The following DGKK variants were observed in gnomAD, a reference collection of about 807,000 sequenced individuals.
The protein encoded by DGKK is diacylglycerol kinase kappa.
DGKK carries 35 observed loss-of-function variants against 92.2 expected under a neutral mutation model. The observed-to-expected ratio is 0.38, with a 90% CI of 0.29 to 0.50. The LOEUF (loss-of-function observed/expected upper bound fraction) is 0.50. Among genes scored for constraint, DGKK ranks in the 20% least tolerant of loss-of-function variants. DGKK has a pLI of 0.92. For synonymous variants in DGKK, 368 were observed against 360.6 expected (o/e 1.02, Z -0.23); for missense variants, 910 against 992.2 (o/e 0.92, Z 1.11).
chrX:50,413,725 T>C (rs1307988694), intron 4 of DGKK, among the ~76,000 whole-genome samples: 1 of 112,064 alleles, frequency 8.9e-6, no homozygotes, highest in African/African-American at 3.2e-5. Context: ...GGAGAGGATG[T>C]GGAGAATAGG....
rs367857059 is a variant in DGKK at position 50,384,188 on chromosome X, T to C, written c.2529A>G (p.Leu843=). The part of the protein sequence containing the change: ...EDLDNLNLDH[L]HFTPESIRFK... ...CTTACATAGATTCAGGTGTAAAATGTAAGTGATCCAAGTTAAGGTTGTCCA... is the reference window on the plus strand; with the variant it reads ...CTTACATAGATTCAGGTGTAAAATGCAAGTGATCCAAGTTAAGGTTGTCCA... The change falls in exon 17 of 28, where the codon TTA becomes TTG. Residue 843 remains leucine (L), a synonymous_variant. Transcript: ENST00000611977. 20 of 1,173,280 alleles carry C rather than the reference T, an allele frequency of 1.7e-5. No individual in the cohort carries two copies. Among genetic ancestry groups the C allele is most frequent in the Middle Eastern group, 2.3e-4 (1 of 4,288 alleles).
intron 12 of DGKK, 79 bp from the exon 13 acceptor site, chrX:50,388,697 C>A: frequency 1.5e-6 from 1 of 671,318 alleles, no homozygotes; most frequent in Admixed American, 3.2e-5. Flanking sequence ...CCCCTGCAGC[C>A]TCATTGTTTC....
intron 8 of DGKK, 104 bp from the exon 9 acceptor site, chrX:50,393,439 G>A: frequency 1.6e-6 from 1 of 637,534 alleles, no homozygotes; most frequent in South Asian, 3.2e-5. Context: ...TTGAGTATGA[G>A]TCTCAGTCTT....
At chrX:50,431,906 T>A (rs1330599528) in intron 1 of DGKK, among the ~76,000 whole-genome samples, 1 of 111,292 alleles carries the variant, frequency 9.0e-6, no homozygotes, top group Admixed American at 9.5e-5. Context: ...AGCCTCAATT[T>A]CCTTGTCTGT....
chrX:50,390,188 A>G, intron 12 of DGKK, 140 bp downstream of exon 12: 1 of 504,294 alleles, frequency 2.0e-6, no homozygotes, highest in East Asian at 3.5e-5. Context: ...CTTGGTAAAT[A>G]GCTGCTGACT....
intron 4 of DGKK, among the ~76,000 whole-genome samples, chrX:50,408,465 G>A (rs1005568024): frequency 1.5e-4 from 17 of 111,509 alleles, no homozygotes; most frequent in Non-Finnish European, 2.8e-4. Context: ...TGCAAGCTCC[G>A]CCTCCCGGGT....
At chrX:50,431,693 C>G (rs929258017) in intron 1 of DGKK, among the ~76,000 whole-genome samples, 2 of 111,275 alleles carry the variant, frequency 1.8e-5, no homozygotes, top group Non-Finnish European at 3.8e-5. Context: ...CTAACACTCG[C>G]TTGCCAAAGT....
chrX:50,405,671 C>G (rs1925135450), intron 4 of DGKK, among the ~76,000 whole-genome samples: 1 of 111,406 alleles, frequency 9.0e-6, no homozygotes, highest in African/African-American at 3.3e-5. Flanking sequence ...CTTCCCACTT[C>G]TGGCATGCTG....
At chrX:50,424,807 C>T (rs1156935252) in intron 1 of DGKK, among the ~76,000 whole-genome samples, 1 of 111,401 alleles carries the variant, frequency 9.0e-6, no homozygotes, top group East Asian at 2.8e-4. Flanking sequence ...GATCATGTTC[C>T]TTCCTTGTTC....
At chrX:50,459,389 T>C (rs1926690073) in intron 1 of DGKK, among the ~76,000 whole-genome samples, 1 of 111,255 alleles carries the variant, frequency 9.0e-6, no homozygotes, top group Non-Finnish European at 1.9e-5. Context: ...GGTCTACCTT[T>C]GTGTTTCATC....
In DGKK at chrX:50,393,243, C is replaced by T. The variant is rs782712184; in HGVS notation, c.1504G>A (p.Asp502Asn). Residue 502 changes from aspartate to asparagine, a missense_variant, in exon 9 of 28, where the codon GAT (aspartate) becomes AAT (asparagine). By Grantham distance (23) the Asp-to-Asn change is conservative. Coordinates refer to ENST00000611977, the MANE Select transcript of DGKK (RefSeq NM_001013742.4). ...CGGAGGAAGACGATCCCCTGATGAT[C>T]GCCACTTTTGGAGTTGATGAAGATG... is the stretch of plus-strand genomic sequence containing the variant. ...LLIFINSKSGDHQGIVFLRKF... is the reference protein window; with the variant it reads ...LLIFINSKSGNHQGIVFLRKF... 22 of 1,207,794 alleles carry T rather than the reference C, an allele frequency of 1.8e-5. No individual in the cohort carries two copies. In the South Asian group the frequency reaches 2.8e-4, roughly 16 times the overall value.
At chrX:50,395,785 C>G (rs1157502854) in intron 8 of DGKK, among the ~76,000 whole-genome samples, 3 of 84,652 alleles carry the variant, frequency 3.5e-5, no homozygotes, top group Admixed American at 1.4e-4. Context: ...TTTTTCTTGT[C>G]TAGAACATTG....
At chrX:50,405,172 A>G (rs1293721647) in intron 4 of DGKK, among the ~76,000 whole-genome samples, 1 of 111,999 alleles carries the variant, frequency 8.9e-6, no homozygotes, top group Non-Finnish European at 1.9e-5. Context: ...GTCCTCTTTC[A>G]TGGTACTGAG....
chrX:50,373,498 G>A (rs539115372), intron 25 of DGKK, among the ~76,000 whole-genome samples: 7 of 111,949 alleles, frequency 6.3e-5, no homozygotes, highest in African/African-American at 9.7e-5. Context: ...GAGACCAAAC[G>A]CACCTATTTC....
chrX:50,462,390 CTTTTTTTTTTTT>C (rs782504562), intron 1 of DGKK, among the ~76,000 whole-genome samples: 2 of 60,493 alleles, frequency 3.3e-5, no homozygotes, highest in African/African-American at 7.4e-5. Flanking sequence ...GAAGTGAGTG[CTTTTTTTTTTTT>C]TTTTTTTTTG....
chrX:50,370,672 CA>C, intron 26 of DGKK, 123 bp from the exon 27 acceptor site: 2 of 792,860 alleles, frequency 2.5e-6, no homozygotes, highest in Non-Finnish European at 3.5e-6. Flanking sequence ...GCTCTCTATC[CA>C]GGTATGAGAA....
intron 18 of DGKK, among the ~76,000 whole-genome samples, chrX:50,381,544 T>C (rs975197986): frequency 8.9e-6 from 1 of 112,094 alleles, no homozygotes; most frequent in South Asian, 3.7e-4. Context: ...GGCAAAAAGA[T>C]AAACTTAGAC....
At chrX:50,447,414 A>ATATATAT (rs1926388270) in intron 1 of DGKK, among the ~76,000 whole-genome samples, 1 of 16,132 alleles carries the variant, frequency 6.2e-5, no homozygotes, top group Non-Finnish European at 8.2e-5. Flanking sequence ...TATATAATAT[A>ATATATAT]TATATATATA....
intron 1 of DGKK, among the ~76,000 whole-genome samples, chrX:50,451,691 A>G (rs906956638): frequency 9.0e-6 from 1 of 111,683 alleles, no homozygotes; most frequent in Admixed American, 9.5e-5. Flanking sequence ...ATGAAAAATT[A>G]TGGCAACAGG....
Sources: allele counts gnomAD v4.1 joint callset (sites outside exome capture counted in the v4.1 genomes callset), GRCh38; gene constraint gnomAD v4.1.1; transcripts MANE v1.5; gene names NCBI Gene and HGNC (gene_info 2026-07-23, HGNC 2026-07-21).